The following TSPAN9 variants were observed in gnomAD, a reference collection of about 807,000 sequenced individuals.
The protein encoded by TSPAN9 is tetraspanin-9.
In TSPAN9, 16 loss-of-function variants were observed where a neutral mutation model predicts 31.0. That is an observed-to-expected ratio of 0.52 (90% confidence interval 0.35 to 0.78). TSPAN9 has a LOEUF of 0.78. Ranked by LOEUF, TSPAN9 falls within the 30% of genes least tolerant of loss-of-function variation. The pLI is 0.01. For missense variants in TSPAN9, 272 were observed against 312.5 expected, an observed-to-expected ratio of 0.87 and a Z score of 0.98; for synonymous variants, 145 against 121.6, an observed-to-expected ratio of 1.19 and a Z score of -1.27.
chr12:3,079,004 G>A (rs112788970), intron 1 of TSPAN9, among the ~76,000 whole-genome samples: 4 of 144,862 alleles, frequency 2.8e-5, no homozygotes, highest in African/African-American at 1.0e-4. Flanking sequence ...TTTTGAGACA[G>A]AGTCTCACTC....
chr12:3,280,339 C>CCTCCTGGTTCCAACCGTCTCACTGT lies in TSPAN9; in HGVS notation c.331-43_331-42insCTCCTGGTTCCAACCGTCTCACTGT. On this transcript the variant is annotated intron_variant, in intron 5 of 8. Coordinates refer to ENST00000011898, the MANE Select transcript of TSPAN9 (RefSeq NM_006675.5). This position sits in a 1 kb window ranked among gnomAD's most constrained non-coding sequence, Gnocchi z 4.5. The stretch of plus-strand genomic sequence containing the variant: ...TGAGGTGGGCTGGAGAGACGAGCTG[C>CCTCCTGGTTCCAACCGTCTCACTGT]GTCCTGGTTCCAACCGTCTCACTGT... 1 of 1,574,484 alleles carries CCTCCTGGTTCCAACCGTCTCACTGT rather than the reference C, an allele frequency of 6.4e-7. No individual in the cohort carries two copies. The highest frequency in any genetic ancestry group is 8.7e-7 in the Non-Finnish European group (1 of 1,148,756).
intron 2 of TSPAN9, chr12:3,084,191 G>C (rs1177135150): frequency 6.6e-6 from 1 of 152,588 alleles, no homozygotes; most frequent in African/African-American, 2.4e-5. Context: ...CCTCTTCCCT[G>C]ATCCTCCAGG....
At chr12:3,185,693 A>C (rs1028564714) in intron 2 of TSPAN9, among the ~76,000 whole-genome samples, 2 of 152,230 alleles carry the variant, frequency 1.3e-5, no homozygotes, top group African/African-American at 4.8e-5. Flanking sequence ...GCCGCTGGGC[A>C]TGTGGGGAGC....
At chr12:3,190,919 G>A (rs1381106995) in intron 2 of TSPAN9, among the ~76,000 whole-genome samples, 1 of 152,256 alleles carries the variant, frequency 6.6e-6, no homozygotes, top group Non-Finnish European at 1.5e-5. Context: ...GAGGGACACA[G>A]TCCTTGCATT....
chr12:3,127,243 G>A lies in TSPAN9; in HGVS notation c.-18+43524G>A, dbSNP rs907635036. On this transcript the variant is annotated intron_variant, in intron 2 of 8. Transcript: ENST00000011898. ...TAGTGAGACCTCTACATCTTGTCCC[G>A]CTGGAAGGTCTTCAGGGGCAATACA... Among the ~76,000 whole-genome samples, 7 of 152,018 alleles carry A rather than the reference G, an allele frequency of 4.6e-5. No individual in the cohort carries two copies. The South Asian group carries it at 1.0e-3, about 23-fold the overall frequency.
At chr12:3,186,716 G>A (rs1002063380) in intron 2 of TSPAN9, among the ~76,000 whole-genome samples, 1 of 152,174 alleles carries the variant, frequency 6.6e-6, no homozygotes, top group Admixed American at 6.5e-5. Flanking sequence ...TTTCAGTTGT[G>A]TTTTTCTTGG....
At chr12:3,119,412 C>A (rs2153966074) in intron 2 of TSPAN9, among the ~76,000 whole-genome samples, 1 of 152,296 alleles carries the variant, frequency 6.6e-6, no homozygotes, top group Middle Eastern at 3.4e-3. Flanking sequence ...CGTGTTCTTT[C>A]CAGGTGGGGA....
chr12:3,269,411 C>T (rs12810299), intron 3 of TSPAN9, among the ~76,000 whole-genome samples: 20 of 67,026 alleles, frequency 3.0e-4, no homozygotes, highest in South Asian at 6.7e-4. Context: ...GCCTGCCCTC[C>T]CTGTGTTCCT....
At chr12:3,265,745 T>A (rs1862525619) in intron 3 of TSPAN9, among the ~76,000 whole-genome samples, 1 of 152,156 alleles carries the variant, frequency 6.6e-6, no homozygotes, top group South Asian at 2.1e-4. Flanking sequence ...GGCTAGAAAT[T>A]TGTCGAACAT....
intron 2 of TSPAN9, among the ~76,000 whole-genome samples, chr12:3,188,533 G>T (rs1470069101): frequency 6.6e-6 from 1 of 152,158 alleles, no homozygotes; most frequent in Non-Finnish European, 1.5e-5. Context: ...CCGGCTGGCC[G>T]TGGCTTCGGG....
rs1862149627 is a variant in TSPAN9 at position 3,247,067 on chromosome 12, A to AT, written c.64-31354_64-31353insT. 2.0e-5 allele frequency among the ~76,000 whole-genome samples: 3 copies of AT among 152,232 alleles called. No homozygotes were observed. The East Asian group carries it at 5.8e-4, about 29-fold the overall frequency. ...TTTTTCAGGGCAGAGAAGAGGAGCAACGTACTGTGCACACATGGAAGGCAC... is the reference window on the plus strand; with the variant it reads ...TTTTTCAGGGCAGAGAAGAGGAGCAATCGTACTGTGCACACATGGAAGGCAC... On this transcript the variant is annotated intron_variant, in intron 3 of 8. Transcript: ENST00000011898.
chr12:3,194,479 C>T (rs1029265330), intron 2 of TSPAN9, among the ~76,000 whole-genome samples: 3 of 152,132 alleles, frequency 2.0e-5, no homozygotes, highest in Non-Finnish European at 2.9e-5. Context: ...CTCGACCTCC[C>T]GGGTTCAAGT....
intron 2 of TSPAN9, among the ~76,000 whole-genome samples, chr12:3,167,930 G>T (rs1196987917): frequency 6.6e-6 from 1 of 152,212 alleles, no homozygotes; most frequent in South Asian, 2.1e-4. Flanking sequence ...CCATCCCACT[G>T]GCTCCTTTGG....
At chr12:3,253,476 TGTG>T (rs1862290892) in intron 3 of TSPAN9, among the ~76,000 whole-genome samples, 1 of 152,152 alleles carries the variant, frequency 6.6e-6, no homozygotes, top group Non-Finnish European at 1.5e-5. Context: ...CCTCATAGGT[TGTG>T]GTGAGGATGC....
chr12:3,262,394 T>G (rs1239978545), intron 3 of TSPAN9, among the ~76,000 whole-genome samples: 1 of 151,268 alleles, frequency 6.6e-6, no homozygotes, highest in Non-Finnish European at 1.5e-5. Context: ...TTCTGTTGAA[T>G]AAGCAAAAGC....
At chr12:3,210,087 A>T (rs909821535) in intron 3 of TSPAN9, among the ~76,000 whole-genome samples, 3 of 148,392 alleles carry the variant, frequency 2.0e-5, no homozygotes, top group Non-Finnish European at 4.5e-5. Flanking sequence ...AGTAGCCGAG[A>T]TCGCGCACTG....
intron 2 of TSPAN9, among the ~76,000 whole-genome samples, chr12:3,186,546 T>TTGTG (rs61329208): frequency 0.14 from 18,387 of 135,726 alleles, 1,099 homozygotes; most frequent in East Asian, 0.24. Flanking sequence ...AGGAGTTTGT[T>TTGTG]TGTGTGTGTG....
At position 3,225,765 on chromosome 12, in the gene TSPAN9, C is replaced by T. The variant is rs955986075; in HGVS notation, c.63+24509C>T. On this transcript the variant is annotated intron_variant, in intron 3 of 8. Transcript: ENST00000011898. ...GATTTTTTTTTTTTCAAATAGGTTT[C>T]GTATATCAGAGGGTCTTGTGACTAG... 4.0e-5 allele frequency among the ~76,000 whole-genome samples: 6 copies of T among 151,532 alleles called. No homozygotes were observed. In the South Asian group the frequency reaches 8.4e-4, roughly 21 times the overall value.
chr12:3,220,802 G>A (rs114242835), intron 3 of TSPAN9, among the ~76,000 whole-genome samples: 3,118 of 144,244 alleles, frequency 0.022, 109 homozygotes, highest in African/African-American at 0.076. Flanking sequence ...GTGGGAAGGC[G>A]GGCCCAAGGA....
Sources: allele counts gnomAD v4.1 joint callset (sites outside exome capture counted in the v4.1 genomes callset), GRCh38; gene constraint gnomAD v4.1.1; non-coding constraint Gnocchi (gnomAD v3.1); transcripts MANE v1.5; gene names NCBI Gene and HGNC (gene_info 2026-07-23, HGNC 2026-07-21).